TMPRSS11A: variants seen among roughly 807,000 people sequenced by gnomAD.
The protein encoded by TMPRSS11A is transmembrane serine protease 11A, also known as transmembrane protease serine 11A.
In TMPRSS11A, 53 loss-of-function variants were observed where a neutral mutation model predicts 58.9. That is an observed-to-expected ratio of 0.90 (90% CI 0.72 to 1.13). The LOEUF (loss-of-function observed/expected upper bound fraction) is 1.13, where lower values mean the gene tolerates loss of function less well. Among genes scored for constraint, TMPRSS11A ranks in the 50% most tolerant of loss-of-function variants. The pLI is 0.00. For synonymous variants in TMPRSS11A, 167 were observed against 169.8 expected (o/e 0.98, Z 0.13); for missense variants, 493 against 499.3 (o/e 0.99, Z 0.12).
At chr4:67,942,102 TTAA>T (rs1720894483) in intron 3 of TMPRSS11A, among the ~76,000 whole-genome samples, 1 of 152,160 alleles carries the variant, frequency 6.6e-6, no homozygotes, top group Admixed American at 6.5e-5. Flanking sequence ...GTCCAAAAAG[TTAA>T]TAATTATACG....
At chr4:67,936,216 T>C (rs899745404) in intron 3 of TMPRSS11A, among the ~76,000 whole-genome samples, 6 of 152,112 alleles carry the variant, frequency 3.9e-5, no homozygotes, top group Non-Finnish European at 5.9e-5. Context: ...CAGAAACTGT[T>C]GCACCCCTCT....
rs967876220 is a variant in TMPRSS11A, at chr4:67,909,985, C to G, written c.*1357G>C. On this transcript the variant is annotated 3_prime_UTR_variant, in exon 10 of 10. Transcript: ENST00000508048. The stretch of plus-strand genomic sequence containing the variant: ...GAGGGAAATTATTATAAAGCAAGTT[C>G]ATCGTTCCAATGATTTGTCTTATAT... 2.0e-5 allele frequency: 3 copies of G among 151,946 alleles called. No homozygotes were observed. Among genetic ancestry groups the G allele is most frequent in the Non-Finnish European group, 4.4e-5 (3 of 67,914 alleles). 9.4% of individuals were successfully genotyped at this position (151,946 alleles called of 1,614,324 possible).
At chr4:67,930,250 A>G (rs907052550) in intron 4 of TMPRSS11A, among the ~76,000 whole-genome samples, 1 of 152,144 alleles carries the variant, frequency 6.6e-6, no homozygotes, top group Non-Finnish European at 1.5e-5. Context: ...ATTAATTTGA[A>G]GGATTGTTAC....
chr4:67,912,553 C>CT (rs1720012340), intron 9 of TMPRSS11A, among the ~76,000 whole-genome samples: 1 of 152,066 alleles, frequency 6.6e-6, no homozygotes, highest in East Asian at 1.9e-4. Flanking sequence ...TCAGTCATTG[C>CT]TTGTCTAAAC....
At chr4:67,960,773 C>A (rs905025662) in intron 1 of TMPRSS11A, among the ~76,000 whole-genome samples, 4 of 152,186 alleles carry the variant, frequency 2.6e-5, no homozygotes, top group Non-Finnish European at 5.9e-5. Flanking sequence ...AAATGTAAAA[C>A]ATGAAAGCAT....
In TMPRSS11A at chr4:67,930,035, T is replaced by G; in HGVS notation, c.326A>C (p.Glu109Ala). The change falls in exon 5 of 10, where the codon GAG becomes GCG. Residue 109 changes from glutamate (E) to alanine (A), a missense_variant. By Grantham distance (107) the Glu-to-Ala change is moderately radical (BLOSUM62 -1). Transcript: ENST00000508048. Reference protein sequence around the residue: ...IKNQVVRLTPEEDGVKVDVIM... With the variant: ...IKNQVVRLTPAEDGVKVDVIM... ...GACATCTACTTTCACACCATCTTCC[T>G]CTGGACTGTGACACACAAAAGAAAG... 1 of 1,609,008 alleles carries G rather than the reference T, an allele frequency of 6.2e-7. No homozygotes were observed. The highest frequency in any genetic ancestry group is 1.1e-5 in the South Asian group (1 of 90,362).
chr4:67,943,246 TC>T, intron 3 of TMPRSS11A, among the ~76,000 whole-genome samples: 1 of 152,162 alleles, frequency 6.6e-6, no homozygotes. Context: ...TTCTCTCACT[TC>T]TCTTAAGACC....
In TMPRSS11A at chr4:67,918,986, T is replaced by G. The variant is rs753275376; in HGVS notation, c.939A>C (p.Ala313=). ...TGAGATACCCACCACCATAGTAAAG[T>G]GCTCCAAATCCTGTGATGTGGACAG... ...NLTVHITGFG[A]LYYGGESQND... Residue 313 remains alanine, a synonymous_variant, in exon 8 of 10, where the codon GCA becomes GCC. Coordinates refer to ENST00000508048, the MANE Select transcript of TMPRSS11A (RefSeq NM_001114387.2). The G allele has an allele frequency of 2.5e-6, 4 of 1,614,006 alleles. No homozygotes were observed. Among genetic ancestry groups the G allele is most frequent in the Middle Eastern group, 1.6e-4 (1 of 6,084 alleles).
At chr4:67,930,456 G>T (rs571962309) in intron 4 of TMPRSS11A, among the ~76,000 whole-genome samples, 6 of 152,092 alleles carry the variant, frequency 3.9e-5, no homozygotes, top group African/African-American at 1.4e-4. Flanking sequence ...TTCTAAAGAG[G>T]CTTGTTTCTC....
At chr4:67,958,211 C>T (rs1011298350) in intron 1 of TMPRSS11A, among the ~76,000 whole-genome samples, 2 of 152,162 alleles carry the variant, frequency 1.3e-5, no homozygotes, top group South Asian at 4.1e-4. Context: ...CCTAATGGAG[C>T]TGTAAGAAGA....
intron 8 of TMPRSS11A, among the ~76,000 whole-genome samples, chr4:67,918,503 G>A (rs1330842692): frequency 6.6e-6 from 1 of 152,046 alleles, no homozygotes; most frequent in Non-Finnish European, 1.5e-5. Flanking sequence ...AGACACAGCT[G>A]GAACAATAGA....
chr4:67,917,247 T>G (rs1720183550), intron 8 of TMPRSS11A, among the ~76,000 whole-genome samples: 1 of 152,100 alleles, frequency 6.6e-6, no homozygotes, highest in Non-Finnish European at 1.5e-5. Context: ...ATAATATGCA[T>G]TTTCTATAAA....
At chr4:67,953,557 C>T (rs565433483) in intron 1 of TMPRSS11A, among the ~76,000 whole-genome samples, 152 of 152,166 alleles carry the variant, frequency 1.0e-3, no homozygotes, top group Non-Finnish European at 1.7e-3. Context: ...CCAACACTTT[C>T]GGAGGTAGAG....
chr4:67,962,507 C>T (rs976168270), intron 1 of TMPRSS11A, among the ~76,000 whole-genome samples: 1 of 152,254 alleles, frequency 6.6e-6, no homozygotes, highest in East Asian at 1.9e-4. Context: ...GGAGACGTCC[C>T]CTAACTTCTG....
At chr4:67,942,070 C>T (rs1720894023) in intron 3 of TMPRSS11A, among the ~76,000 whole-genome samples, 1 of 152,104 alleles carries the variant, frequency 6.6e-6, no homozygotes, top group African/African-American at 2.4e-5. Context: ...ATAATATGTA[C>T]AGGCAATTTA....
intron 5 of TMPRSS11A, 108 bp from the exon 6 acceptor site, chr4:67,924,274 G>T: frequency 1.1e-6 from 1 of 906,438 alleles, no homozygotes. Context: ...CTAGACAGTT[G>T]AACATATAGA....
Position 67,944,561 on chromosome 4 carries a change from G to A in TMPRSS11A, c.210C>T (p.Asn70=), listed in dbSNP as rs1577867208. 1.2e-6 allele frequency: 2 copies of A among 1,613,114 alleles called. No homozygotes were observed. Among genetic ancestry groups the A allele is most frequent in the Non-Finnish European group, 1.7e-6 (2 of 1,179,302 alleles). Residue 70 remains asparagine, a synonymous_variant, in exon 3 of 10, where the codon AAC becomes AAT. Transcript: ENST00000508048. ...PQINNNFGQS[N]TYQLKDLRET... is the part of the protein sequence containing the mutation. ...CTCGTAAGTCCTTAAGTTGATATGT[G>A]TTGCTTTGTCCGAAATTGTTATTGA...
chr4:67,911,152 A>G lies in TMPRSS11A; in HGVS notation c.*190T>C, dbSNP rs1719965935. 2 of 487,500 alleles carry G rather than the reference A, an allele frequency of 4.1e-6. No homozygotes were observed. The highest frequency in any genetic ancestry group is 4.9e-5 in the South Asian group (1 of 20,462). The allele number at this position is 487,500 out of a possible 1,614,324, so 30.2% of individuals were successfully genotyped here. A position where few individuals can be genotyped will look rare whatever the true frequency, so the allele number is the denominator to read the frequency against. On this transcript the variant is annotated 3_prime_UTR_variant, in exon 10 of 10. Transcript: ENST00000508048. The stretch of plus-strand genomic sequence containing the variant: ...AAGCCAGATCCATTACTTTACAAAT[A>G]AAAGTCCCTTATAAATTGGCTAAGG...
At chr4:67,949,513 CTT>C (rs1721106987) in intron 1 of TMPRSS11A, among the ~76,000 whole-genome samples, 1 of 152,174 alleles carries the variant, frequency 6.6e-6, no homozygotes, top group Non-Finnish European at 1.5e-5. Context: ...ATGAATAAAT[CTT>C]CAACTTACTG....
Sources: gnomAD v4.1 joint callset for allele counts (sites outside exome capture counted in the v4.1 genomes callset) on GRCh38, gnomAD v4.1.1 for gene constraint, MANE v1.5 for transcripts, NCBI Gene and HGNC (gene_info 2026-07-23, HGNC 2026-07-21) for gene names.